Variants in CYP2C8 observed in about 807,000 individuals in gnomAD.
The protein encoded by CYP2C8 is cytochrome P450 2C8.
CYP2C8 carries 51 observed loss-of-function variants against 41.3 expected under a neutral mutation model. The ratio of observed to expected loss-of-function variants is 1.24; its 90% CI spans 0.99 to 1.56. CYP2C8 has a LOEUF of 1.56. CYP2C8 is among the 40% of genes most tolerant of loss of function. The probability of loss-of-function intolerance (pLI) is 0.00; values close to 1 mark genes in which losing one functional copy is unlikely to be tolerated. For synonymous variants in CYP2C8, 218 were observed against 205.8 expected, an observed-to-expected ratio of 1.06 and a Z score of -0.51; for missense variants, 651 against 579.9, an observed-to-expected ratio of 1.12 and a Z score of -1.26.
chr10:95,056,120 A>G (rs1173527444), intron 5 of CYP2C8, among the ~76,000 whole-genome samples: 1 of 152,132 alleles, frequency 6.6e-6, no homozygotes, highest in Non-Finnish European at 1.5e-5. Context: ...ATAAAATAAA[A>G]ATGAACAAGG....
At chr10:95,060,110 T>C (rs1424138615) in intron 4 of CYP2C8, among the ~76,000 whole-genome samples, 3 of 152,190 alleles carry the variant, frequency 2.0e-5, no homozygotes, top group Admixed American at 1.3e-4. Context: ...TGGCTTAGGA[T>C]TGACTTGACA....
chr10:95,067,488 A>C (rs751851689), intron 2 of CYP2C8, 41 bp downstream of exon 2: 1 of 1,613,732 alleles, frequency 6.2e-7, no homozygotes, highest in Non-Finnish European at 8.5e-7. Flanking sequence ...CATCCCCCTC[A>C]CCCCAGTTAC....
rs547765409 is a variant in CYP2C8, at chr10:95,051,613, G to A, written c.820-5662C>T. 2.3e-3 allele frequency among the ~76,000 whole-genome samples: 344 copies of A among 152,182 alleles called. 3 individuals carry two copies. The highest frequency in any genetic ancestry group is 3.4e-4 in the Non-Finnish European group (23 of 67,970). ...ATTGTATTGCCCAGATTTTCTGCTA[G>A]GGTTTTTATAGTTTTGGAGCTTACA... On this transcript the variant is annotated intron_variant, in intron 5 of 8. Coordinates refer to ENST00000371270, the MANE Select transcript of CYP2C8 (RefSeq NM_000770.3).
chr10:95,066,880 A>G (rs2033580372), intron 3 of CYP2C8, among the ~76,000 whole-genome samples: 1 of 152,202 alleles, frequency 6.6e-6, no homozygotes, highest in Non-Finnish European at 1.5e-5. Context: ...GATTTATGCT[A>G]TGGGGGAAAC....
intron 4 of CYP2C8, among the ~76,000 whole-genome samples, chr10:95,061,923 G>A (rs916473820): frequency 6.6e-6 from 1 of 152,212 alleles, no homozygotes; most frequent in Non-Finnish European, 1.5e-5. Flanking sequence ...GGAGCAGGTT[G>A]TTCAGTGTCC....
chr10:95,054,581 A>G (rs949554372), intron 5 of CYP2C8, among the ~76,000 whole-genome samples: 14 of 152,158 alleles, frequency 9.2e-5, no homozygotes, highest in African/African-American at 2.9e-4. Flanking sequence ...AGAAAGAGAA[A>G]TAAAAGGCAT....
chr10:95,045,835 G>T lies in CYP2C8; in HGVS notation c.936C>A (p.Leu312=), dbSNP rs200154618. ...TSTTLRYGLL[L]LLKHPEVTAK... ...CTGTGACCTCTGGGTGCTTCAGCAG[G>T]AGCAGGAGTCCATATCTCAGAGTGG... is the stretch of plus-strand genomic sequence containing the variant. Residue 312 remains leucine, a synonymous_variant, in exon 6 of 9, where the codon CTC becomes CTA. Coordinates refer to ENST00000371270, the MANE Select transcript of CYP2C8 (RefSeq NM_000770.3). 1.2e-6 allele frequency: 2 copies of T among 1,613,872 alleles called. No individual in the cohort carries two copies. Among genetic ancestry groups the T allele is most frequent in the Admixed American group, 1.7e-5 (1 of 59,996 alleles).
intron 6 of CYP2C8, 144 bp from the exon 7 acceptor site, chr10:95,043,221 T>A (rs371209134): frequency 2.8e-6 from 2 of 707,682 alleles, no homozygotes; most frequent in East Asian, 2.7e-5. Flanking sequence ...ACCAGCCATA[T>A]AAAAAGAATT....
In CYP2C8 at chr10:95,069,442, A is replaced by G; in HGVS notation, c.-40T>C. On this transcript the variant is annotated 5_prime_UTR_variant, in exon 1 of 9. Transcript: ENST00000371270. ...CTTATTAAGACAGCTGTGAGCTTGC[A>G]CTCCAAAGTTTTTATAACACTCCCT... The G allele has an allele frequency of 1.9e-6, 3 of 1,574,342 alleles. No homozygotes were observed. The highest frequency in any genetic ancestry group is 2.6e-6 in the Non-Finnish European group (3 of 1,145,348).
chr10:95,058,585 TTATAAC>T, intron 4 of CYP2C8, 74 bp from the exon 5 acceptor site: 1 of 1,321,744 alleles, frequency 7.6e-7, no homozygotes, highest in Non-Finnish European at 1.1e-6. Flanking sequence ...CTGATTGAAA[TTATAAC>T]TATAAATATG....
rs1221955267 is a variant in CYP2C8 at position 95,067,201 on chromosome 10, C to T, written c.481+7G>A. On this transcript the variant is annotated splice_region_variant and intron_variant, in intron 3 of 8. Coordinates refer to ENST00000371270, the MANE Select transcript of CYP2C8 (RefSeq NM_000770.3). The stretch of plus-strand genomic sequence containing the variant: ...TAAGGTCAATGACGCAGAGTAGAGT[C>T]ACCCACCCTTGGTTTTTCTCAACTC... 6.2e-7 allele frequency: 1 copy of T among 1,613,914 alleles called. No individual in the cohort carries two copies. Among genetic ancestry groups the T allele is most frequent in the Non-Finnish European group, 8.5e-7 (1 of 1,179,950 alleles).
intron 3 of CYP2C8, 49 bp downstream of exon 3, chr10:95,067,159 T>G: frequency 2.5e-6 from 4 of 1,613,504 alleles, no homozygotes; most frequent in Non-Finnish European, 3.4e-6. Context: ...ACGTCACTAG[T>G]GAAGACAGGT....
chr10:95,063,630 C>G (rs1445391118), intron 4 of CYP2C8, among the ~76,000 whole-genome samples: 1 of 152,248 alleles, frequency 6.6e-6, no homozygotes, highest in Admixed American at 6.5e-5. Flanking sequence ...AAGCCTTCTT[C>G]TCTCAGCTCG....
chr10:95,037,399 T>C lies in CYP2C8; in HGVS notation c.1292-90A>G, dbSNP rs2032907445. On this transcript the variant is annotated intron_variant, in intron 8 of 8. Coordinates refer to ENST00000371270, the MANE Select transcript of CYP2C8 (RefSeq NM_000770.3). ...ATTTGTGACTTGCACAAACAGAATA[T>C]GCAGTAAATAATTGATTAATGATTG... is the stretch of plus-strand genomic sequence containing the variant. 5 of 1,101,110 alleles carry C rather than the reference T, an allele frequency of 4.5e-6. No homozygotes were observed. In the South Asian group the frequency reaches 5.3e-5, roughly 12 times the overall value. 68.2% of individuals were successfully genotyped at this position (1,101,110 alleles called of 1,614,324 possible). A position where few individuals can be genotyped will look rare whatever the true frequency, so the allele number is the denominator to read the frequency against.
At chr10:95,069,204 A>T in intron 1 of CYP2C8, 31 bp downstream of exon 1, 1 of 1,613,286 alleles carries the variant, frequency 6.2e-7, no homozygotes, top group Non-Finnish European at 8.5e-7. Flanking sequence ...TACCCTTTGC[A>T]ATTGGCTGGA....
chr10:95,066,422 GA>G (rs1404073942), intron 3 of CYP2C8, among the ~76,000 whole-genome samples: 4 of 151,978 alleles, frequency 2.6e-5, no homozygotes, highest in Non-Finnish European at 4.4e-5. Context: ...TACATTTAAA[GA>G]AGACAGGATA....
intron 5 of CYP2C8, among the ~76,000 whole-genome samples, chr10:95,046,991 T>C (rs1311668561): frequency 2.0e-5 from 3 of 152,208 alleles, no homozygotes; most frequent in African/African-American, 7.2e-5. Flanking sequence ...GGGGTAGATT[T>C]CTCATGAGCA....
chr10:95,068,629 CTG>C, intron 1 of CYP2C8: 4 of 1,288,828 alleles, frequency 3.1e-6, no homozygotes, highest in Non-Finnish European at 4.0e-6. Flanking sequence ...TAGCAAAACA[CTG>C]TGAAACAAAG....
intron 5 of CYP2C8, among the ~76,000 whole-genome samples, chr10:95,052,040 C>T (rs1022130075): frequency 1.3e-5 from 2 of 151,824 alleles, no homozygotes; most frequent in African/African-American, 4.8e-5. Flanking sequence ...TCTTTAGAAG[C>T]ATTAAAGAAA....
Sources: allele counts gnomAD v4.1 joint callset (sites outside exome capture counted in the v4.1 genomes callset), GRCh38; gene constraint gnomAD v4.1.1; transcripts MANE v1.5; gene names NCBI Gene and HGNC (gene_info 2026-07-23, HGNC 2026-07-21).